CTNNA2: variants seen among roughly 807,000 people sequenced by gnomAD.
CTNNA2 encodes the protein catenin alpha 2.
Under a neutral mutation model 101.0 loss-of-function variants are expected in CTNNA2, and 42 were observed. The ratio of observed to expected loss-of-function variants is 0.42; its 90% CI spans 0.32 to 0.54. The LOEUF (loss-of-function observed/expected upper bound fraction) is 0.54. CTNNA2 is among the 20% of genes least tolerant of loss of function. The pLI is 0.14. For synonymous variants in CTNNA2, 450 were observed against 456.4 expected (o/e 0.99, Z 0.18); for missense variants, 871 against 1,223.1 (o/e 0.71, Z 4.29).
At chr2:80,094,602 G>A (rs1700022665) in intron 7 of CTNNA2, among the ~76,000 whole-genome samples, 2 of 152,096 alleles carry the variant, frequency 1.3e-5, no homozygotes, top group South Asian at 2.1e-4. Context: ...TGGGCAGTAT[G>A]GCCATTTTCA....
rs1404401464 is a variant in CTNNA2, at chr2:80,095,529, G to A, written c.1056+185732G>A. On this transcript the variant is annotated intron_variant, in intron 7 of 18. Transcript: ENST00000402739. The stretch of plus-strand genomic sequence containing the variant: ...GATGCTGGCCTCATCAAATGAGTTA[G>A]GGAGGATTCCCTCTTTTTCTATTGA... 2.0e-5 allele frequency among the ~76,000 whole-genome samples: 3 copies of A among 152,190 alleles called. No homozygotes were observed. The East Asian group carries it at 5.8e-4, about 29-fold the overall frequency.
intron 7 of CTNNA2, among the ~76,000 whole-genome samples, chr2:79,959,048 CG>C (rs1242400104): frequency 7.0e-6 from 1 of 142,910 alleles, no homozygotes; most frequent in African/African-American, 2.6e-5. Context: ...ACTGTAGCTC[CG>C]TTTTTTTTTC....
intron 3 of CTNNA2, among the ~76,000 whole-genome samples, chr2:79,371,739 C>T (rs1166685221): frequency 6.6e-6 from 1 of 152,090 alleles, no homozygotes; most frequent in Non-Finnish European, 1.5e-5. Flanking sequence ...AGAATAATTT[C>T]CTATCAGTCC....
chr2:80,379,173 T>C (rs1676273633), intron 7 of CTNNA2, among the ~76,000 whole-genome samples: 1 of 152,120 alleles, frequency 6.6e-6, no homozygotes, highest in African/African-American at 2.4e-5. Flanking sequence ...CTCTGAAATA[T>C]TGCCTGTATC....
chr2:80,261,171 T>A (rs1672576586), intron 7 of CTNNA2, among the ~76,000 whole-genome samples: 1 of 152,204 alleles, frequency 6.6e-6, no homozygotes, highest in Non-Finnish European at 1.5e-5. Context: ...ATGGCTCTCC[T>A]CAGATGACAC....
chr2:79,593,616 G>A (rs772737233), intron 1 of CTNNA2, among the ~76,000 whole-genome samples: 43 of 151,880 alleles, frequency 2.8e-4, no homozygotes, highest in Admixed American at 9.2e-4. Context: ...TTTCTCTGCC[G>A]TCCTTCTTCT....
chr2:80,622,702 G>A (rs1397534679), intron 18 of CTNNA2, among the ~76,000 whole-genome samples: 3 of 151,790 alleles, frequency 2.0e-5, no homozygotes, highest in East Asian at 3.9e-4. Flanking sequence ...GAAGATTTGC[G>A]GTGGATATTT....
intron 7 of CTNNA2, among the ~76,000 whole-genome samples, chr2:80,003,246 A>G (rs1693087969): frequency 6.6e-6 from 1 of 152,112 alleles, no homozygotes; most frequent in Non-Finnish European, 1.5e-5. Flanking sequence ...ATTCATCTTT[A>G]CCATTGTATG....
At chr2:79,895,013 C>A (rs1191164247) in intron 6 of CTNNA2, among the ~76,000 whole-genome samples, 1 of 152,216 alleles carries the variant, frequency 6.6e-6, no homozygotes, top group Non-Finnish European at 1.5e-5. Context: ...CCCATGGCTA[C>A]ATGATCATGC....
chr2:80,314,084 A>G (rs1443835579), intron 7 of CTNNA2, among the ~76,000 whole-genome samples: 1 of 152,240 alleles, frequency 6.6e-6, no homozygotes, highest in African/African-American at 2.4e-5. Flanking sequence ...AGAGCTGCAC[A>G]TATAGATCAG....
intron 9 of CTNNA2, among the ~76,000 whole-genome samples, chr2:80,437,737 G>A (rs11892284): frequency 0.033 from 4,983 of 152,298 alleles, 252 homozygotes; most frequent in African/African-American, 0.11. Context: ...AGTGGCTTTC[G>A]CCTGTAATCC....
At chr2:79,917,303 C>T (rs964186120) in intron 7 of CTNNA2, among the ~76,000 whole-genome samples, 1 of 151,410 alleles carries the variant, frequency 6.6e-6, no homozygotes, top group Non-Finnish European at 1.5e-5. Context: ...CTCTTGATCT[C>T]GTGATCCGCC....
At chr2:80,205,741 T>C (rs182984574) in intron 7 of CTNNA2, among the ~76,000 whole-genome samples, 1 of 152,326 alleles carries the variant, frequency 6.6e-6, no homozygotes, top group East Asian at 1.9e-4. Context: ...AACTCTTCTG[T>C]ATGTCTTAAG....
intron 7 of CTNNA2, among the ~76,000 whole-genome samples, chr2:80,070,679 T>C (rs940207187): frequency 1.6e-4 from 24 of 150,096 alleles, no homozygotes; most frequent in Middle Eastern, 6.8e-3. Flanking sequence ...ATCACACCAC[T>C]GCACTGCAGC....
At chr2:79,429,622 AATGAAACTATCCTTGTAAAACTCAAGAAT>A (rs1678629212) in intron 4 of CTNNA2, among the ~76,000 whole-genome samples, 1 of 152,166 alleles carries the variant, frequency 6.6e-6, no homozygotes, top group African/African-American at 2.4e-5. Context: ...ATTCACCATA[AATGAAACTATCCTTGTAAAACTCAAGAAT>A]ATTAGGAAAC....
chr2:80,403,206 G>T (rs548484198), intron 8 of CTNNA2, among the ~76,000 whole-genome samples: 1 of 152,180 alleles, frequency 6.6e-6, no homozygotes. Flanking sequence ...TATTTACAAT[G>T]TTGCTGTTTT....
At chr2:79,952,463 T>G (rs142347106) in intron 7 of CTNNA2, among the ~76,000 whole-genome samples, 335 of 152,314 alleles carry the variant, frequency 2.2e-3, no homozygotes, top group African/African-American at 7.6e-3. Context: ...CTGTGACTAT[T>G]TAAAAACCAC....
At chr2:79,340,833 CAAAAAAAAAAAAAAA>C (rs56276462) in intron 3 of CTNNA2, among the ~76,000 whole-genome samples, 1 of 32,534 alleles carries the variant, frequency 3.1e-5, no homozygotes, top group East Asian at 1.1e-3. Flanking sequence ...GACTCAGTCT[CAAAAAAAAAAAAAAA>C]AAAAAAGAAA....
chr2:80,199,182 GAAAAA>G (rs70940076), intron 7 of CTNNA2, among the ~76,000 whole-genome samples: 582 of 39,988 alleles, frequency 0.015, no homozygotes, highest in African/African-American at 0.047. Context: ...CTCCATCTCA[GAAAAA>G]AAAAAAAAAA....
Sources: gnomAD v4.1 joint callset for allele counts (sites outside exome capture counted in the v4.1 genomes callset) on GRCh38, gnomAD v4.1.1 for gene constraint, MANE v1.5 for transcripts, NCBI Gene and HGNC (gene_info 2026-07-23, HGNC 2026-07-21) for gene names.